The following PCDHA2 variants were observed in gnomAD, a reference collection of about 807,000 sequenced individuals.
PCDHA2 encodes protocadherin alpha 2.
In PCDHA2, 58 loss-of-function variants were observed where a neutral mutation model predicts 66.0. The ratio of observed to expected loss-of-function variants is 0.88; its 90% CI spans 0.71 to 1.09. The LOEUF is 1.09. Among genes scored for constraint, PCDHA2 ranks in the 50% least tolerant of loss-of-function variants. PCDHA2 has a pLI of 0.00. For synonymous variants in PCDHA2, 634 were observed against 554.0 expected (o/e 1.14, Z -2.03); for missense variants, 1,267 against 1,242.3 (o/e 1.02, Z -0.30).
At chr5:140,952,972 A>G (rs1206326487) in intron 1 of PCDHA2, among the ~76,000 whole-genome samples, 1 of 152,074 alleles carries the variant, frequency 6.6e-6, no homozygotes, top group Non-Finnish European at 1.5e-5. Context: ...CACACTTTTA[A>G]ACAACAAGAT....
rs781789539 is a variant in PCDHA2 at position 140,856,760 on chromosome 5, G to C, written c.2388+59408G>C. 3.8e-6 allele frequency: 6 copies of C among 1,596,522 alleles called. 2 individuals are homozygous for C. Among genetic ancestry groups the C allele is most frequent in the Non-Finnish European group, 5.1e-6 (6 of 1,166,548 alleles). On this transcript the variant is annotated intron_variant, in intron 1 of 3. Transcript: ENST00000526136. ...CCTGGTGTTAGATGCCAATGATAAC[G>C]CCCCTATCTTTGACAGACCGGTTTA...
chr5:140,861,413 G>T (rs189790760), intron 1 of PCDHA2: 3 of 474,952 alleles, frequency 6.3e-6, no homozygotes, highest in Non-Finnish European at 1.3e-5. Flanking sequence ...AGCTGATACC[G>T]CGCCTGTTTC....
chr5:140,855,030 G>A (rs1385138184), intron 1 of PCDHA2, among the ~76,000 whole-genome samples: 1 of 149,666 alleles, frequency 6.7e-6, no homozygotes, highest in African/African-American at 2.4e-5. Context: ...CTTGTATAAA[G>A]GATTTTTCTG....
intron 1 of PCDHA2, among the ~76,000 whole-genome samples, chr5:140,974,319 G>A (rs781949857): frequency 1.8e-4 from 27 of 152,198 alleles, no homozygotes; most frequent in Non-Finnish European, 3.5e-4. Flanking sequence ...TGAGAGAGTA[G>A]CTGCTGTGCT....
chr5:141,000,112 C>T (rs1404445521), intron 3 of PCDHA2, among the ~76,000 whole-genome samples: 1 of 152,128 alleles, frequency 6.6e-6, no homozygotes. Flanking sequence ...CGTCTCTTCC[C>T]TCATCCCCAA....
At chr5:140,905,878 C>T (rs1187937436) in intron 1 of PCDHA2, among the ~76,000 whole-genome samples, 2 of 152,054 alleles carry the variant, frequency 1.3e-5, no homozygotes, top group African/African-American at 2.4e-5. Flanking sequence ...CAAGGCCCAA[C>T]AATAGGCCAT....
intron 3 of PCDHA2, among the ~76,000 whole-genome samples, chr5:140,999,171 C>T (rs1482438264): frequency 1.3e-5 from 2 of 152,054 alleles, no homozygotes; most frequent in African/African-American, 4.8e-5. Context: ...AGGAAAAGAG[C>T]CTGATGGGGA....
intron 1 of PCDHA2, chr5:140,858,744 A>G: frequency 2.2e-6 from 1 of 461,862 alleles, no homozygotes; most frequent in South Asian, 3.0e-5. Flanking sequence ...TTTCATAATC[A>G]CTTTTCGTTA....
At chr5:140,945,628 A>G (rs898111170) in intron 1 of PCDHA2, among the ~76,000 whole-genome samples, 1 of 152,168 alleles carries the variant, frequency 6.6e-6, no homozygotes, top group Non-Finnish European at 1.5e-5. Flanking sequence ...TACTGGCATA[A>G]AAGACATGTA....
intron 1 of PCDHA2, among the ~76,000 whole-genome samples, chr5:140,901,384 T>C (rs2068629478): frequency 6.6e-6 from 1 of 152,226 alleles, no homozygotes. Flanking sequence ...TAATTCAATA[T>C]TTGTATATGG....
intron 1 of PCDHA2, chr5:140,801,300 G>C (rs1554121379): frequency 6.2e-7 from 1 of 1,613,456 alleles, no homozygotes; most frequent in Non-Finnish European, 8.5e-7. Flanking sequence ...CCACTACTCC[G>C]TCTCTGAGGA....
At chr5:140,983,170 G>A (rs1046143831) in intron 3 of PCDHA2, among the ~76,000 whole-genome samples, 1 of 152,136 alleles carries the variant, frequency 6.6e-6, no homozygotes, top group Non-Finnish European at 1.5e-5. Context: ...AAACATGACC[G>A]CCTCACAATT....
intron 1 of PCDHA2, among the ~76,000 whole-genome samples, chr5:140,827,091 A>T (rs2150146317): frequency 6.6e-6 from 1 of 152,332 alleles, no homozygotes; most frequent in East Asian, 1.9e-4. Flanking sequence ...ACTATTTTCT[A>T]GGAGTCAGCA....
chr5:140,995,812 G>A (rs2097699173), intron 3 of PCDHA2, among the ~76,000 whole-genome samples: 1 of 152,202 alleles, frequency 6.6e-6, no homozygotes, highest in Non-Finnish European at 1.5e-5. Flanking sequence ...TTTCTGAAGG[G>A]AGATAGCCTG....
chr5:140,807,340 C>G, intron 1 of PCDHA2: 1 of 1,613,272 alleles, frequency 6.2e-7, no homozygotes, highest in Non-Finnish European at 8.5e-7. Context: ...TCGCGCAGGA[C>G]CTGGGACTGG....
At position 140,856,173 on chromosome 5, in the gene PCDHA2, C is replaced by A. The variant is rs782775861; in HGVS notation, c.2388+58821C>A. The stretch of plus-strand genomic sequence containing the variant: ...GTCTACGAGGAGGCCAGACACGGCA[C>A]CTTCGTGGGCCGCATCGCGCAGGAC... On this transcript the variant is annotated intron_variant, in intron 1 of 3. Coordinates refer to ENST00000526136, the MANE Select transcript of PCDHA2 (RefSeq NM_018905.3). The A allele has an allele frequency of 1.1e-5, 17 of 1,598,116 alleles. 1 individual carries two copies. The highest frequency in any genetic ancestry group is 3.4e-4 in the Middle Eastern group (2 of 5,954).
intron 1 of PCDHA2, chr5:140,849,719 G>A (rs1386986772): frequency 6.3e-7 from 1 of 1,598,560 alleles, no homozygotes; most frequent in Non-Finnish European, 8.6e-7. Flanking sequence ...ACTCGTTGGT[G>A]CTGGACAGAG....
chr5:140,995,367 T>G (rs2153932865), intron 3 of PCDHA2, among the ~76,000 whole-genome samples: 1 of 152,280 alleles, frequency 6.6e-6, no homozygotes, highest in East Asian at 1.9e-4. Context: ...AGAGGGATGA[T>G]TCACGTACTG....
chr5:140,974,661 G>A (rs542677478), intron 1 of PCDHA2, among the ~76,000 whole-genome samples: 4 of 152,066 alleles, frequency 2.6e-5, no homozygotes, highest in South Asian at 4.2e-4. Context: ...ACAGGCATGC[G>A]CCACCATGCC....
Sources: gnomAD v4.1 joint callset for allele counts (sites outside exome capture counted in the v4.1 genomes callset) on GRCh38, gnomAD v4.1.1 for gene constraint, MANE v1.5 for transcripts, NCBI Gene and HGNC (gene_info 2026-07-23, HGNC 2026-07-21) for gene names.